YEATS2: variants seen among roughly 807,000 people sequenced by gnomAD.
YEATS2 encodes the protein YEATS domain-containing protein 2.
In YEATS2, 77 loss-of-function variants were observed where a neutral mutation model predicts 163.2. The ratio of observed to expected loss-of-function variants is 0.47; its 90% CI spans 0.39 to 0.57. YEATS2 has a LOEUF of 0.57. Among genes scored for constraint, YEATS2 ranks in the 20% least tolerant of loss-of-function variants. The pLI, the probability that YEATS2 is intolerant of heterozygous loss-of-function variation, is 0.00. For synonymous variants in YEATS2, 631 were observed against 645.1 expected, an observed-to-expected ratio of 0.98 and a Z score of 0.33; for missense variants, 1,549 against 1,729.8, an observed-to-expected ratio of 0.90 and a Z score of 1.85.
rs1237893468 is a variant in YEATS2 at position 183,710,580 on chromosome 3, T to C, written c.-19-4564T>C. On this transcript the variant is annotated intron_variant, in intron 1 of 30. Transcript: ENST00000305135. ...TAAAGGCTGCATAAAAAATGAATTA[T>C]CTTGGCAGCACAAATGAACTCATTG... 3.3e-5 allele frequency among the ~76,000 whole-genome samples: 5 copies of C among 152,322 alleles called. No homozygotes were observed. The East Asian group carries it at 9.6e-4, about 29-fold the overall frequency.
Position 183,728,584 on chromosome 3 carries a change from A to G in YEATS2, c.651-106A>G, listed in dbSNP as rs1275372946. On this transcript the variant is annotated intron_variant, in intron 6 of 30. Transcript: ENST00000305135. ...TGTTTAGGTGATGTAGTTGTTAAAT[A>G]TTGCAGGAATTTTAACCTTGTTTTT... is the stretch of plus-strand genomic sequence containing the variant. 21 of 1,056,906 alleles carry G rather than the reference A, an allele frequency of 2.0e-5. No homozygotes were observed. In the Middle Eastern group the frequency reaches 1.2e-3, roughly 58 times the overall value. The allele number at this position is 1,056,906 out of a possible 1,614,324, so 65.5% of individuals were successfully genotyped here.
chr3:183,722,777 C>G (rs2109066434), intron 5 of YEATS2, among the ~76,000 whole-genome samples: 1 of 152,226 alleles, frequency 6.6e-6, no homozygotes, highest in South Asian at 2.1e-4. Context: ...CTCAGCCTCC[C>G]AAGTAGCTGG....
chr3:183,738,558 C>A (rs1423736930), intron 8 of YEATS2, among the ~76,000 whole-genome samples: 1 of 111,916 alleles, frequency 8.9e-6, no homozygotes, highest in Admixed American at 9.5e-5. Flanking sequence ...CCCCCTCCCC[C>A]CACCCCACCA....
At chr3:183,724,306 T>A (rs1382960131) in intron 5 of YEATS2, 113 bp from the exon 6 acceptor site, 6 of 765,954 alleles carry the variant, frequency 7.8e-6, no homozygotes, top group Non-Finnish European at 1.2e-5. Flanking sequence ...GAAAATTTTG[T>A]AATTTTTTAA....
intron 15 of YEATS2, among the ~76,000 whole-genome samples, chr3:183,768,047 T>A (rs1307314603): frequency 1.3e-5 from 2 of 152,232 alleles, no homozygotes; most frequent in Admixed American, 6.5e-5. Flanking sequence ...TTATTTGATA[T>A]GTTTGGGAGG....
At chr3:183,766,671 T>A (rs761022831) in intron 15 of YEATS2, among the ~76,000 whole-genome samples, 34 of 152,200 alleles carry the variant, frequency 2.2e-4, no homozygotes, top group Middle Eastern at 3.2e-3. Flanking sequence ...TAGGCCGAAA[T>A]ACGTTGTGGT....
chr3:183,724,036 TC>T (rs541743383), intron 5 of YEATS2, among the ~76,000 whole-genome samples: 14 of 152,338 alleles, frequency 9.2e-5, no homozygotes, highest in Admixed American at 7.2e-4. Flanking sequence ...CACTTATTTC[TC>T]ATTGAACAGT....
chr3:183,715,726 A>G (rs1376425745), intron 2 of YEATS2, among the ~76,000 whole-genome samples: 1 of 152,216 alleles, frequency 6.6e-6, no homozygotes, highest in African/African-American at 2.4e-5. Context: ...AATGTGTCAT[A>G]TGGTTCTCAG....
intron 15 of YEATS2, among the ~76,000 whole-genome samples, chr3:183,770,483 C>G (rs977911733): frequency 7.9e-5 from 12 of 152,116 alleles, no homozygotes; most frequent in Non-Finnish European, 1.6e-4. Flanking sequence ...TTTAGAAATA[C>G]TCTAAAATTC....
At chr3:183,730,431 T>A (rs1717662740) in intron 7 of YEATS2, among the ~76,000 whole-genome samples, 1 of 152,176 alleles carries the variant, frequency 6.6e-6, no homozygotes, top group Admixed American at 6.5e-5. Context: ...CTCTATTCTC[T>A]GCTCTGTTCA....
At chr3:183,755,909 G>A (rs1231947708) in intron 11 of YEATS2, among the ~76,000 whole-genome samples, 1 of 151,928 alleles carries the variant, frequency 6.6e-6, no homozygotes, top group African/African-American at 2.4e-5. Context: ...ACCACACCCA[G>A]CTAATTTTGT....
intron 13 of YEATS2, among the ~76,000 whole-genome samples, chr3:183,760,597 C>T (rs1289364607): frequency 1.3e-5 from 2 of 152,242 alleles, no homozygotes; most frequent in East Asian, 3.9e-4. Flanking sequence ...GCTGGGATTA[C>T]AGGCGTGAGC....
At chr3:183,800,843 T>C (rs1222139070) in intron 24 of YEATS2, 1 of 331,034 alleles carries the variant, frequency 3.0e-6, no homozygotes, top group African/African-American at 2.1e-5. Flanking sequence ...ACATGGGCTT[T>C]CTCTGCTGAG....
chr3:183,803,445 C>A, intron 26 of YEATS2, 110 bp downstream of exon 26: 1 of 1,098,260 alleles, frequency 9.1e-7, no homozygotes, highest in Non-Finnish European at 1.3e-6. Flanking sequence ...AGAATATTTT[C>A]CTCAGTTAAA....
chr3:183,808,284 A>C, intron 29 of YEATS2, 180 bp downstream of exon 29: 1 of 584,776 alleles, frequency 1.7e-6, no homozygotes, highest in South Asian at 2.1e-5. Flanking sequence ...TAAATGGACT[A>C]AGTTATGTTT....
intron 8 of YEATS2, among the ~76,000 whole-genome samples, chr3:183,737,789 C>T (rs964872924): frequency 1.3e-5 from 2 of 152,066 alleles, no homozygotes; most frequent in Non-Finnish European, 2.9e-5. Flanking sequence ...GAGAACTGCC[C>T]TTATAAGAAG....
chr3:183,740,911 C>G (rs1377461495), intron 8 of YEATS2, among the ~76,000 whole-genome samples: 3 of 152,078 alleles, frequency 2.0e-5, no homozygotes, highest in Admixed American at 6.6e-5. Context: ...GGATTGACTT[C>G]TTGTTAGGGG....
intron 15 of YEATS2, among the ~76,000 whole-genome samples, chr3:183,765,443 G>C (rs575967826): frequency 1.6e-4 from 25 of 152,256 alleles, no homozygotes; most frequent in African/African-American, 5.5e-4. Flanking sequence ...GAGATAGGTG[G>C]GTCTGTGCCA....
At chr3:183,746,842 C>T (rs558494374) in intron 8 of YEATS2, among the ~76,000 whole-genome samples, 112 of 152,182 alleles carry the variant, frequency 7.4e-4, no homozygotes, top group African/African-American at 2.5e-3. Context: ...AGACGTGACA[C>T]CTACCTCTCA....
Sources: gnomAD v4.1 joint callset for allele counts (sites outside exome capture counted in the v4.1 genomes callset) on GRCh38, gnomAD v4.1.1 for gene constraint, MANE v1.5 for transcripts, NCBI Gene and HGNC (gene_info 2026-07-23, HGNC 2026-07-21) for gene names.